Variants in CCL23 observed in about 807,000 individuals in gnomAD.
The protein encoded by CCL23 is C-C motif chemokine ligand 23, also known as C-C motif chemokine 23.
Under a neutral mutation model 11.8 loss-of-function variants are expected in CCL23, and 10 were observed. The ratio of observed to expected loss-of-function variants is 0.84; its 90% CI spans 0.52 to 1.43. The LOEUF (loss-of-function observed/expected upper bound fraction) is 1.43, where lower values mean the gene tolerates loss of function less well. Ranked by LOEUF, CCL23 falls within the 40% of genes most tolerant of loss-of-function variation. The pLI is 0.00. For missense variants in CCL23, 181 were observed against 170.9 expected (o/e 1.06, Z -0.33); for synonymous variants, 60 against 61.0 (o/e 0.98, Z 0.07).
Position 36,014,322 on chromosome 17 carries a change from C to A in CCL23, c.136+12G>T, listed in dbSNP as rs779669862. On this transcript the variant is annotated intron_variant, in intron 2 of 3. Coordinates refer to ENST00000615050, the MANE Select transcript of CCL23 (RefSeq NM_005064.6). ...GGCTGCTTTTAAATATATGCCGTAT[C>A]TGATCACTTACTGTCCAGAAGTACT... 6.3e-7 allele frequency: 1 copy of A among 1,598,564 alleles called. No individual in the cohort carries two copies. The highest frequency in any genetic ancestry group is 2.2e-5 in the East Asian group (1 of 44,832).
rs2090071562 is a variant in CCL23, at chr17:36,013,308, G to A, written c.303C>T (p.Ile101=). 2 of 1,606,490 alleles carry A rather than the reference G, an allele frequency of 1.2e-6. No individual in the cohort carries two copies. Among genetic ancestry groups the A allele is most frequent in the Non-Finnish European group, 1.7e-6 (2 of 1,173,352 alleles). The change falls in exon 4 of 4, where the codon ATC becomes ATT. Residue 101 remains isoleucine, a splice_region_variant and synonymous_variant. Coordinates refer to ENST00000615050, the MANE Select transcript of CCL23 (RefSeq NM_005064.6). ...TNSECSKPGV[I]FLTKKGRRFC... is the part of the protein sequence containing the mutation. Reference sequence around the variant, plus strand: ...AACGTCGCCCCTTCTTGGTGAGGAAGCTAGGGAACAAGGGGGAGAAAAGTT... The same window carrying A: ...AACGTCGCCCCTTCTTGGTGAGGAAACTAGGGAACAAGGGGGAGAAAAGTT...
At chr17:36,015,191 G>A (rs2090088951) in intron 1 of CCL23, among the ~76,000 whole-genome samples, 1 of 151,962 alleles carries the variant, frequency 6.6e-6, no homozygotes. Context: ...TCATGTGAGT[G>A]GAATCATACA....
chr17:36,016,325 C>T (rs901790303), intron 1 of CCL23, among the ~76,000 whole-genome samples: 1 of 152,010 alleles, frequency 6.6e-6, no homozygotes, highest in Non-Finnish European at 1.5e-5. Flanking sequence ...CCTCCTTTTA[C>T]CCTCCACTCC....
intron 2 of CCL23, 38 bp downstream of exon 2, chr17:36,014,296 T>C: frequency 6.7e-7 from 1 of 1,481,932 alleles, no homozygotes; most frequent in Non-Finnish European, 9.4e-7. Context: ...CTGCACCTGC[T>C]GGCTGCTTTT....
chr17:36,015,398 C>A (rs1361611020), intron 1 of CCL23, among the ~76,000 whole-genome samples: 3 of 152,146 alleles, frequency 2.0e-5, no homozygotes, highest in African/African-American at 7.2e-5. Context: ...ATCTACTAAC[C>A]TTTTGATGGG....
intron 3 of CCL23, 101 bp from the exon 4 acceptor site, chr17:36,013,409 A>G: frequency 1.4e-6 from 1 of 714,730 alleles, no homozygotes; most frequent in South Asian, 1.7e-5. Context: ...CAGTCAATAT[A>G]GCCAGTTTTT....
intron 1 of CCL23, among the ~76,000 whole-genome samples, chr17:36,017,245 A>AT (rs985716248): frequency 7.9e-5 from 12 of 152,158 alleles, no homozygotes; most frequent in Admixed American, 6.5e-4. Context: ...AAAAATTTGC[A>AT]TTTTTTAAAA....
At position 36,013,379 on chromosome 17, in the gene CCL23, T is replaced by C; in HGVS notation, c.303-71A>G. On this transcript the variant is annotated intron_variant, in intron 3 of 3. Coordinates refer to ENST00000615050, the MANE Select transcript of CCL23 (RefSeq NM_005064.6). ...CACATGGGGACAGGGGGCCCCATTC[T>C]CCCTGCCCCTCAGATTTCCCAGTCA... 4 of 882,236 alleles carry C rather than the reference T, an allele frequency of 4.5e-6. No individual in the cohort carries two copies. In the South Asian group the frequency reaches 5.8e-5, roughly 13 times the overall value. 54.7% of individuals were successfully genotyped at this position (882,236 alleles called of 1,614,324 possible). A position where few individuals can be genotyped will look rare whatever the true frequency, so the allele number is the denominator to read the frequency against.
chr17:36,013,295 T>G lies in CCL23; in HGVS notation c.316A>C (p.Lys106Gln). ...GGGTTGGCACAGAAACGTCGCCCCTTCTTGGTGAGGAAGCTAGGGAACAAG... is the reference window on the plus strand; with the variant it reads ...GGGTTGGCACAGAAACGTCGCCCCTGCTTGGTGAGGAAGCTAGGGAACAAG... ...SKPGVIFLTK[K>Q]GRRFCANPSD... is the part of the protein sequence containing the mutation. The change falls in exon 4 of 4, where the codon AAG (lysine) becomes CAG (glutamine). Residue 106 changes from lysine to glutamine, a missense_variant. By Grantham distance (53) the Lys-to-Gln change is moderately conservative. Transcript: ENST00000615050. The G allele has an allele frequency of 6.2e-7, 1 of 1,612,552 alleles. No homozygotes were observed. The highest frequency in any genetic ancestry group is 2.2e-5 in the East Asian group (1 of 44,870).
chr17:36,013,417 T>G (rs577154475), intron 3 of CCL23, 109 bp from the exon 4 acceptor site: 2 of 675,450 alleles, frequency 3.0e-6, no homozygotes, highest in Non-Finnish European at 5.1e-6. Context: ...ATAGCCAGTT[T>G]TTTTTTCTTT....
rs772962834 is a variant in CCL23, at chr17:36,013,327, A to G, written c.303-19T>C. The G allele has an allele frequency of 1.3e-6, 2 of 1,533,774 alleles. No individual in the cohort carries two copies. The highest frequency in any genetic ancestry group is 1.8e-6 in the Non-Finnish European group (2 of 1,109,054). Reference sequence around the variant, plus strand: ...GAGGAAGCTAGGGAACAAGGGGGAGAAAAGTTACAAACTGAGGTGTGTCCA... The same window carrying G: ...GAGGAAGCTAGGGAACAAGGGGGAGGAAAGTTACAAACTGAGGTGTGTCCA... On this transcript the variant is annotated intron_variant, in intron 3 of 3. Coordinates refer to ENST00000615050, the MANE Select transcript of CCL23 (RefSeq NM_005064.6).
At position 36,013,788 on chromosome 17, in the gene CCL23, C is replaced by T; in HGVS notation, c.258G>A (p.Glu86=). The change falls in exon 3 of 4, where the codon GAG becomes GAA. Residue 86 remains glutamate, a synonymous_variant. Transcript: ENST00000615050. ...TPRSIPCSLL[E]SYFETNSECS... ...ACTCGCTGTTCGTTTCAAAGTAACT[C>T]TCCAGGAGTGAACACGGGATGCTTC... 1 of 1,614,206 alleles carries T rather than the reference C, an allele frequency of 6.2e-7. No homozygotes were observed. Among genetic ancestry groups the T allele is most frequent in the African/African-American group, 1.3e-5 (1 of 75,054 alleles).
chr17:36,017,744 A>T, intron 1 of CCL23, 78 bp downstream of exon 1: 1 of 1,302,970 alleles, frequency 7.7e-7, no homozygotes, highest in Non-Finnish European at 1.1e-6. Context: ...GAGTAGTTAC[A>T]GGAGGGCAAT....
intron 2 of CCL23, among the ~76,000 whole-genome samples, 182 bp downstream of exon 2, chr17:36,014,152 G>C (rs1368875724): frequency 2.0e-5 from 3 of 152,288 alleles, no homozygotes; most frequent in African/African-American, 7.2e-5. Context: ...CAGCCAGAGG[G>C]GAACAGAGAA....
intron 1 of CCL23, among the ~76,000 whole-genome samples, chr17:36,014,874 A>T (rs2090086163): frequency 6.6e-6 from 1 of 152,228 alleles, no homozygotes; most frequent in South Asian, 2.1e-4. Flanking sequence ...TGTTTGATTA[A>T]AATACTGTTC....
intron 1 of CCL23, among the ~76,000 whole-genome samples, chr17:36,016,450 T>G (rs1284285528): frequency 6.6e-6 from 1 of 152,132 alleles, no homozygotes; most frequent in Non-Finnish European, 1.5e-5. Context: ...TGTGTTAGTT[T>G]GCTGAGGATG....
chr17:36,017,217 T>C (rs1006489889), intron 1 of CCL23, among the ~76,000 whole-genome samples: 1 of 152,220 alleles, frequency 6.6e-6, no homozygotes, highest in East Asian at 1.9e-4. Context: ...GATGTTTTGT[T>C]TCTTCCCTAC....
rs139483184 is a variant in CCL23 at position 36,013,233 on chromosome 17, C to T, written c.378G>A (p.Leu126=). 341 of 1,613,266 alleles carry T rather than the reference C, an allele frequency of 2.1e-4. No homozygotes were observed. Among genetic ancestry groups the T allele is most frequent in the Admixed American group, 2.2e-4 (13 of 59,996 alleles). ...TGGTCTTGATCCGTGTGTCCAGCTT[C>T]AGCATTCTCATGCAAACCTGAACTT... ...DKQVQVCMRM[L]KLDTRIKTRK... Residue 126 remains leucine (L), a synonymous_variant, in exon 4 of 4, where the codon CTG becomes CTA. Coordinates refer to ENST00000615050, the MANE Select transcript of CCL23 (RefSeq NM_005064.6).
rs745387175 is a variant in CCL23 at position 36,013,823 on chromosome 17, A to C, written c.223T>G (p.Tyr75Asp). ...HATSADCCIS[Y>D]TPRSIPCSLL... ...GAACACGGGATGCTTCGTGGGGTGT[A>C]GGAGATGCAGCAGTCAGCACTAGTA... The change falls in exon 3 of 4, where the codon TAC becomes GAC. Residue 75 changes from tyrosine (Y) to aspartate (D), a missense_variant. Coordinates refer to ENST00000615050, the MANE Select transcript of CCL23 (RefSeq NM_005064.6). The C allele has an allele frequency of 8.1e-6, 13 of 1,614,040 alleles. No homozygotes were observed. Among genetic ancestry groups the C allele is most frequent in the African/African-American group, 1.3e-5 (1 of 74,920 alleles).
Sources: gnomAD v4.1 joint callset for allele counts (sites outside exome capture counted in the v4.1 genomes callset) on GRCh38, gnomAD v4.1.1 for gene constraint, MANE v1.5 for transcripts, NCBI Gene and HGNC (gene_info 2026-07-23, HGNC 2026-07-21) for gene names.